The following USH2A variants were observed in gnomAD, a reference collection of about 807,000 sequenced individuals.
The protein encoded by USH2A is usherin, also known as Usher syndrome 2A (autosomal recessive, mild).
In USH2A, 443 loss-of-function variants were observed where a neutral mutation model predicts 538.9. That is an observed-to-expected ratio of 0.82 (90% CI 0.76 to 0.89). The LOEUF is 0.89. USH2A is among the 40% of genes least tolerant of loss of function. The pLI is 0.00. For missense variants in USH2A, 6,633 were observed against 6,324.8 expected (o/e 1.05, Z -1.65); for synonymous variants, 2,413 against 2,273.5 (o/e 1.06, Z -1.75).
At chr1:216,024,913 G>A (rs570438466) in intron 32 of USH2A, among the ~76,000 whole-genome samples, 22 of 151,924 alleles carry the variant, frequency 1.4e-4, no homozygotes, top group South Asian at 1.0e-3. Flanking sequence ...AATATAAAAC[G>A]GTGAATGATT....
intron 38 of USH2A, among the ~76,000 whole-genome samples, chr1:215,912,496 T>C (rs1261534939): frequency 0.011 from 245 of 22,720 alleles, 2 homozygotes; most frequent in African/African-American, 0.034. Flanking sequence ...TATATGTGTA[T>C]ATATATATAT....
At chr1:216,182,217 T>G (rs2102647648) in intron 20 of USH2A, among the ~76,000 whole-genome samples, 1 of 152,228 alleles carries the variant, frequency 6.6e-6, no homozygotes, top group East Asian at 1.9e-4. Context: ...AGATGATTTT[T>G]TGCCTATTTA....
At chr1:215,883,289 A>T (rs1358117216) in intron 41 of USH2A, among the ~76,000 whole-genome samples, 1 of 152,128 alleles carries the variant, frequency 6.6e-6, no homozygotes, top group Non-Finnish European at 1.5e-5. Flanking sequence ...ATGCATATTA[A>T]GGTGAAATTG....
chr1:215,926,010 T>A (rs1175558580), intron 38 of USH2A, among the ~76,000 whole-genome samples: 1 of 152,076 alleles, frequency 6.6e-6, no homozygotes, highest in African/African-American at 2.4e-5. Flanking sequence ...AGAGCGAGAC[T>A]CCGTCTCAAA....
intron 3 of USH2A, among the ~76,000 whole-genome samples, chr1:216,371,050 C>T (rs1405519231): frequency 2.6e-5 from 4 of 152,184 alleles, no homozygotes; most frequent in Admixed American, 1.3e-4. Context: ...CTAAACTGTG[C>T]TAGTATTCTG....
At chr1:215,684,359 T>C (rs891893918) in intron 61 of USH2A, among the ~76,000 whole-genome samples, 7 of 152,220 alleles carry the variant, frequency 4.6e-5, no homozygotes, top group African/African-American at 1.7e-4. Flanking sequence ...ATGGGGTCAA[T>C]AGGTTTATGT....
At chr1:216,256,931 G>A (rs990091643) in intron 11 of USH2A, among the ~76,000 whole-genome samples, 8 of 151,872 alleles carry the variant, frequency 5.3e-5, no homozygotes, top group South Asian at 2.1e-4. Flanking sequence ...CTCCCATGTC[G>A]TTCAAGGGTC....
intron 43 of USH2A, among the ~76,000 whole-genome samples, chr1:215,876,919 G>A (rs953058687): frequency 6.6e-6 from 1 of 152,154 alleles, no homozygotes; most frequent in Admixed American, 6.5e-5. Flanking sequence ...ATGGTAAACA[G>A]GGTTCAGACT....
intron 4 of USH2A, among the ~76,000 whole-genome samples, chr1:216,354,294 C>G (rs1275533236): frequency 2.0e-5 from 3 of 152,158 alleles, no homozygotes; most frequent in Admixed American, 1.3e-4. Flanking sequence ...ACTTCCACCT[C>G]TTTCATTCTT....
intron 4 of USH2A, among the ~76,000 whole-genome samples, chr1:216,345,074 C>A (rs372327711): frequency 7.9e-5 from 12 of 151,990 alleles, no homozygotes; most frequent in African/African-American, 2.7e-4. Context: ...CAAGCGGCAG[C>A]CTGAACTTTT....
intron 52 of USH2A, among the ~76,000 whole-genome samples, chr1:215,783,851 A>G (rs1571683478): frequency 6.6e-6 from 1 of 152,182 alleles, no homozygotes; most frequent in East Asian, 1.9e-4. Context: ...CCACCTGCTC[A>G]TCTCCATTGG....
At chr1:216,300,908 C>T (rs1166631570) in intron 9 of USH2A, among the ~76,000 whole-genome samples, 2 of 151,664 alleles carry the variant, frequency 1.3e-5, no homozygotes, top group East Asian at 2.0e-4. Context: ...ATCACCATGC[C>T]CAGCTAATTT....
At position 216,324,339 on chromosome 1, in the gene USH2A, A is replaced by T. The variant is rs542567969; in HGVS notation, c.1157T>A (p.Ile386Asn). The change falls in exon 7 of 72, where the codon ATC (isoleucine) becomes AAC (asparagine). Residue 386 changes from isoleucine (I) to asparagine (N), a missense_variant. Transcript: ENST00000307340. ...TGGTTGTGGACTAAAGAACTGAATG[A>T]TAATATAAAACACCTGAAAATGGAA... ...ENGQYQVFYI[I>N]IQFFSPQPTE... The T allele has an allele frequency of 6.2e-7, 1 of 1,611,416 alleles. No individual in the cohort carries two copies. The highest frequency in any genetic ancestry group is 2.2e-5 in the East Asian group (1 of 44,594).
rs1485943199 is a variant in USH2A at position 216,378,330 on chromosome 1, A to C, written c.652-13245T>G. On this transcript the variant is annotated intron_variant, in intron 3 of 71. Transcript: ENST00000307340. ...CTTTCATTGGTACTTTACATCTCCT[A>C]AGACTTACAGCAATGGACATTTCTA... Among the ~76,000 whole-genome samples the C allele has an allele frequency of 2.0e-5, 3 of 152,266 alleles. No homozygotes were observed. In the East Asian group the frequency reaches 5.8e-4, roughly 29 times the overall value.
intron 3 of USH2A, among the ~76,000 whole-genome samples, chr1:216,395,678 G>A (rs1382792031): frequency 1.3e-5 from 2 of 152,162 alleles, no homozygotes; most frequent in Non-Finnish European, 2.9e-5. Context: ...GCCCCTTAGG[G>A]GACACTTGGC....
intron 4 of USH2A, among the ~76,000 whole-genome samples, chr1:216,352,374 G>A (rs973594433): frequency 2.6e-5 from 4 of 152,038 alleles, no homozygotes; most frequent in Admixed American, 6.6e-5. Flanking sequence ...AGGAAGGAGC[G>A]ATCAACTCCA....
At chr1:215,919,892 T>C (rs1666053336) in intron 38 of USH2A, among the ~76,000 whole-genome samples, 1 of 152,078 alleles carries the variant, frequency 6.6e-6, no homozygotes, top group South Asian at 2.1e-4. Flanking sequence ...AATAGAACTG[T>C]ATCTGGCCAT....
At chr1:215,970,355 T>A (rs1667461151) in intron 36 of USH2A, among the ~76,000 whole-genome samples, 1 of 152,072 alleles carries the variant, frequency 6.6e-6, no homozygotes, top group Non-Finnish European at 1.5e-5. Flanking sequence ...TTAGGAAAAA[T>A]TTCATGTTTG....
At chr1:216,059,786 T>C (rs1377934735) in intron 30 of USH2A, among the ~76,000 whole-genome samples, 1 of 152,194 alleles carries the variant, frequency 6.6e-6, no homozygotes, top group African/African-American at 2.4e-5. Context: ...GTTGTTGTTG[T>C]TGTTGTTTTC....
Sources: gnomAD v4.1 joint callset for allele counts (sites outside exome capture counted in the v4.1 genomes callset) on GRCh38, gnomAD v4.1.1 for gene constraint, MANE v1.5 for transcripts, NCBI Gene and HGNC (gene_info 2026-07-23, HGNC 2026-07-21) for gene names.